Variants in TMEM132D observed in about 807,000 individuals in gnomAD.
TMEM132D encodes mature OL transmembrane protein.
A neutral mutation model predicts 62.3 loss-of-function variants in TMEM132D; 21 were observed. The observed-to-expected ratio is 0.34, with a 90% CI of 0.24 to 0.49. The LOEUF is 0.49. Ranked by LOEUF, TMEM132D falls within the 20% of genes least tolerant of loss-of-function variation. TMEM132D has a pLI of 0.99. For missense variants in TMEM132D, 1,346 were observed against 1,402.8 expected, an observed-to-expected ratio of 0.96 and a Z score of 0.65; for synonymous variants, 621 against 575.6, an observed-to-expected ratio of 1.08 and a Z score of -1.13.
chr12:129,769,647 A>G (rs1243728259), intron 1 of TMEM132D, among the ~76,000 whole-genome samples: 1 of 152,180 alleles, frequency 6.6e-6, no homozygotes, highest in African/African-American at 2.4e-5. Context: ...ACTCTCAGGA[A>G]AAGAGAGTCT....
chr12:129,693,371 G>A (rs1881110534), intron 2 of TMEM132D, among the ~76,000 whole-genome samples: 2 of 152,124 alleles, frequency 1.3e-5, no homozygotes, highest in Non-Finnish European at 2.9e-5. Context: ...ATACATAAAC[G>A]AGGGAAAATA....
intron 4 of TMEM132D, among the ~76,000 whole-genome samples, chr12:129,306,793 G>A (rs1430925668): frequency 6.6e-6 from 1 of 152,146 alleles, no homozygotes; most frequent in East Asian, 1.9e-4. Flanking sequence ...AGGAAATGCT[G>A]ACTTAGGAAA....
intron 2 of TMEM132D, among the ~76,000 whole-genome samples, chr12:129,593,673 G>A (rs1249672139): frequency 1.3e-5 from 2 of 152,184 alleles, no homozygotes; most frequent in Non-Finnish European, 2.9e-5. Flanking sequence ...TGGAGAGGAA[G>A]ATGTTTTTCC....
At position 129,685,757 on chromosome 12, in the gene TMEM132D, GA is replaced by G. The variant is rs1334669235; in HGVS notation, c.968+14052del. Among the ~76,000 whole-genome samples, 3 of 152,312 alleles carry G rather than the reference GA, an allele frequency of 2.0e-5. No homozygotes were observed. The East Asian group carries it at 5.8e-4, about 29-fold the overall frequency. ...CAATGCCAGCCCATGAAAGCAGCTG[GA>G]AAGGAGGGTGTACCCTGCAAAGCCA... is the stretch of plus-strand genomic sequence containing the variant. On this transcript the variant is annotated intron_variant, in intron 2 of 8. Transcript: ENST00000422113.
At chr12:129,866,342 G>A (rs1008522546) in intron 1 of TMEM132D, among the ~76,000 whole-genome samples, 7 of 149,644 alleles carry the variant, frequency 4.7e-5, no homozygotes, top group Middle Eastern at 3.5e-3. Context: ...CTATCGCAAG[G>A]ACAAAAAACC....
At position 129,142,422 on chromosome 12, in the gene TMEM132D, A is replaced by T. The variant is rs569141353; in HGVS notation, c.1444-57720T>A. ...GATCTCATTTATATGCACCCTTGTC[A>T]TCTATGGGCTGGCTTTATATCCTTT... is the stretch of plus-strand genomic sequence containing the variant. On this transcript the variant is annotated intron_variant, in intron 5 of 8. Transcript: ENST00000422113. Among the ~76,000 whole-genome samples the T allele has an allele frequency of 2.1e-4, 32 of 152,316 alleles. 1 individual carries two copies. The South Asian group carries it at 6.4e-3, about 31-fold the overall frequency.
chr12:129,589,297 T>C (rs888323674), intron 2 of TMEM132D, among the ~76,000 whole-genome samples: 1 of 152,134 alleles, frequency 6.6e-6, no homozygotes, highest in Non-Finnish European at 1.5e-5. Flanking sequence ...CGTTGTCTGC[T>C]ACCATGTAAG....
At chr12:129,323,219 A>G (rs541007542) in intron 4 of TMEM132D, among the ~76,000 whole-genome samples, 3 of 152,236 alleles carry the variant, frequency 2.0e-5, no homozygotes, top group Non-Finnish European at 2.9e-5. Flanking sequence ...CCTTCTTCCC[A>G]TTCCTATTTA....
intron 1 of TMEM132D, among the ~76,000 whole-genome samples, chr12:129,874,915 G>A (rs1419688853): frequency 6.6e-6 from 1 of 152,154 alleles, no homozygotes; most frequent in African/African-American, 2.4e-5. Flanking sequence ...GACCTCAGGT[G>A]ATCTGCTCAC....
chr12:129,897,996 C>G (rs1460558712), intron 1 of TMEM132D, among the ~76,000 whole-genome samples: 1 of 152,172 alleles, frequency 6.6e-6, no homozygotes, highest in East Asian at 1.9e-4. Flanking sequence ...GTTGCTATGA[C>G]TTGGAGAAGT....
At chr12:129,485,155 T>G (rs1874546456) in intron 3 of TMEM132D, among the ~76,000 whole-genome samples, 1 of 152,176 alleles carries the variant, frequency 6.6e-6, no homozygotes. Flanking sequence ...CGTGGTACAT[T>G]ACTGAGCATG....
At chr12:129,854,269 C>T (rs965590022) in intron 1 of TMEM132D, among the ~76,000 whole-genome samples, 2 of 152,178 alleles carry the variant, frequency 1.3e-5, no homozygotes, top group Non-Finnish European at 1.5e-5. Context: ...TTCCAAATTT[C>T]ACTCTTGAAA....
chr12:129,435,103 T>C (rs1451805007), intron 3 of TMEM132D, among the ~76,000 whole-genome samples: 3 of 152,188 alleles, frequency 2.0e-5, no homozygotes, highest in Non-Finnish European at 4.4e-5. Flanking sequence ...CACTGACTAT[T>C]GAGTCAATGT....
chr12:129,875,887 A>C (rs941254265), intron 1 of TMEM132D, among the ~76,000 whole-genome samples: 1 of 152,232 alleles, frequency 6.6e-6, no homozygotes, highest in Admixed American at 6.5e-5. Context: ...CATGTCCATC[A>C]GCAGCGGGTG....
intron 3 of TMEM132D, among the ~76,000 whole-genome samples, chr12:129,458,178 T>G (rs1873541800): frequency 6.6e-6 from 1 of 152,184 alleles, no homozygotes; most frequent in Non-Finnish European, 1.5e-5. Flanking sequence ...AAATAGTCCC[T>G]CCACTAAATT....
intron 2 of TMEM132D, among the ~76,000 whole-genome samples, chr12:129,635,951 G>A (rs200404808): frequency 6.6e-6 from 1 of 152,258 alleles, no homozygotes; most frequent in African/African-American, 2.4e-5. Context: ...TGCAGGGGCT[G>A]AGGACAATTA....
intron 2 of TMEM132D, among the ~76,000 whole-genome samples, chr12:129,646,057 C>T (rs1003736590): frequency 9.2e-5 from 14 of 152,182 alleles, no homozygotes; most frequent in African/African-American, 3.1e-4. Flanking sequence ...GGGGCAGCCA[C>T]CCTTTTACTC....
chr12:129,388,311 T>G (rs113694221), intron 3 of TMEM132D, among the ~76,000 whole-genome samples: 1 of 41,172 alleles, frequency 2.4e-5, no homozygotes, highest in African/African-American at 9.5e-5. Context: ...AACACTAACA[T>G]GAATCCTAAT....
chr12:129,698,188 T>C (rs1165309473), intron 2 of TMEM132D: 1 of 152,006 alleles, frequency 6.6e-6, no homozygotes, highest in Non-Finnish European at 1.5e-5. Flanking sequence ...GCAGACCTCA[T>C]TGAGGACCTG....
Sources: allele counts gnomAD v4.1 joint callset (sites outside exome capture counted in the v4.1 genomes callset), GRCh38; gene constraint gnomAD v4.1.1; transcripts MANE v1.5; gene names NCBI Gene and HGNC (gene_info 2026-07-23, HGNC 2026-07-21).